Variants in COL6A5 observed in about 807,000 individuals in gnomAD.
COL6A5 encodes collagen alpha-5(VI) chain.
In COL6A5, 48 loss-of-function variants were observed where a neutral mutation model predicts 65.6. The ratio of observed to expected loss-of-function variants is 0.73; its 90% confidence interval spans 0.58 to 0.93. The LOEUF (loss-of-function observed/expected upper bound fraction) is 0.93, where lower values mean the gene tolerates loss of function less well. Ranked by LOEUF, COL6A5 falls within the 40% of genes least tolerant of loss-of-function variation. The pLI, the probability that COL6A5 is intolerant of heterozygous loss-of-function variation, is 0.00. For missense variants in COL6A5, 914 were observed against 928.3 expected (o/e 0.98, Z 0.20); for synonymous variants, 291 against 322.8 (o/e 0.90, Z 1.05).
chr3:130,360,933 G>A (rs1935084470), intron 1 of COL6A5, among the ~76,000 whole-genome samples: 1 of 151,962 alleles, frequency 6.6e-6, no homozygotes, highest in African/African-American at 2.4e-5. Context: ...AGTCTCTCGT[G>A]CCCAAACTGA....
At chr3:130,365,502 C>T (rs1345321017) in intron 1 of COL6A5, among the ~76,000 whole-genome samples, 2 of 152,190 alleles carry the variant, frequency 1.3e-5, no homozygotes, top group South Asian at 2.1e-4. Context: ...TGGTCTCGAT[C>T]TCCTGACCTC....
At chr3:130,351,208 C>T (rs1031393044) in intron 1 of COL6A5, among the ~76,000 whole-genome samples, 2 of 152,180 alleles carry the variant, frequency 1.3e-5, no homozygotes, top group Admixed American at 6.5e-5. Flanking sequence ...ACCATAAGAT[C>T]CCTAGAAGAA....
At chr3:130,402,885 G>C (rs1389190625) in intron 12 of COL6A5, among the ~76,000 whole-genome samples, 1 of 152,110 alleles carries the variant, frequency 6.6e-6, no homozygotes, top group Non-Finnish European at 1.5e-5. Context: ...AAAAAAAAGA[G>C]ATCAACAATA....
chr3:130,379,469 T>C (rs1559867631), exon 4 of COL6A5: 1 of 1,551,304 alleles, frequency 6.4e-7, no homozygotes, highest in Admixed American at 2.0e-5. Flanking sequence ...CTCGTGTTCC[T>C]GGTGGATGAG....
At chr3:130,369,010 C>T (rs1935454458) in intron 1 of COL6A5, among the ~76,000 whole-genome samples, 1 of 152,148 alleles carries the variant, frequency 6.6e-6, no homozygotes, top group Non-Finnish European at 1.5e-5. Flanking sequence ...CGGCCCTTAT[C>T]AACTGGAGAC....
chr3:130,422,836 T>G (rs1182510261), intron 28 of COL6A5, 54 bp downstream of exon 28: 1 of 1,132,728 alleles, frequency 8.8e-7, no homozygotes, highest in Non-Finnish European at 1.2e-6. Context: ...AGACTTTGGC[T>G]TTTATGTTAT....
chr3:130,401,802 A>G lies in COL6A5; in HGVS notation c.4175A>G (p.Lys1392Arg), dbSNP rs995216082. Residue 1392 changes from lysine (K) to arginine (R), a missense_variant and NMD_transcript_variant, in exon 12 of 42, where the codon AAA (lysine) becomes AGA (arginine). Lys to Arg is a conservative substitution (Grantham distance 26). Transcript: ENST00000312481. The stretch of plus-strand genomic sequence containing the variant: ...AGGACTTGCTGCTGTACATTCTGCA[A>G]ATGTCCAGGAATTCCAGGACCTCAT... 11 of 1,551,488 alleles carry G rather than the reference A, an allele frequency of 7.1e-6. No individual in the cohort carries two copies. The East Asian group carries it at 7.3e-5, about 10-fold the overall frequency.
intron 5 of COL6A5, among the ~76,000 whole-genome samples, chr3:130,465,743 A>C (rs1163324452): frequency 6.6e-6 from 1 of 152,124 alleles, no homozygotes; most frequent in Non-Finnish European, 1.5e-5. Context: ...ATAATCACTT[A>C]AAACCAAACC....
chr3:130,431,891 T>C (rs1324018684), exon 1 of COL6A5: 2 of 1,551,620 alleles, frequency 1.3e-6, no homozygotes, highest in Non-Finnish European at 1.7e-6. Context: ...TTTAGTGCCC[T>C]GGATATCAGT....
At chr3:130,439,611 C>G in exon 2 of COL6A5, 1 of 1,549,478 alleles carries the variant, frequency 6.5e-7, no homozygotes, top group Non-Finnish European at 8.7e-7. Context: ...GTGCACTTTG[C>G]TATGGTAAGA....
intron 4 of COL6A5, among the ~76,000 whole-genome samples, chr3:130,384,224 G>T (rs944810107): frequency 6.6e-6 from 1 of 151,980 alleles, no homozygotes. Flanking sequence ...AGCCTAATGT[G>T]GTTGGAACAC....
At chr3:130,435,079 C>T (rs1381976286) in intron 1 of COL6A5, among the ~76,000 whole-genome samples, 5 of 152,106 alleles carry the variant, frequency 3.3e-5, no homozygotes, top group Admixed American at 6.5e-5. Flanking sequence ...TTGGGTTTTA[C>T]GTTTAAGTCT....
At chr3:130,449,643 G>A (rs539003060) in intron 4 of COL6A5, among the ~76,000 whole-genome samples, 1 of 152,082 alleles carries the variant, frequency 6.6e-6, no homozygotes, top group Admixed American at 6.6e-5. Flanking sequence ...TTTTTTCCTC[G>A]AATGTGTATG....
intron 10 of COL6A5, among the ~76,000 whole-genome samples, chr3:130,398,580 C>T (rs932065086): frequency 6.6e-6 from 1 of 152,174 alleles, no homozygotes; most frequent in African/African-American, 2.4e-5. Context: ...TCACACTCCT[C>T]CCCAAAATGC....
intron 3 of COL6A5, among the ~76,000 whole-genome samples, chr3:130,377,104 A>T (rs989668384): frequency 6.6e-6 from 1 of 152,080 alleles, no homozygotes; most frequent in African/African-American, 2.4e-5. Context: ...TTCCTCTTGG[A>T]ATCTTTCCTT....
chr3:130,390,373 A>G (rs1278608265), intron 6 of COL6A5, among the ~76,000 whole-genome samples: 2 of 152,158 alleles, frequency 1.3e-5, no homozygotes, highest in Admixed American at 1.3e-4. Context: ...AGAAAATTAA[A>G]AATTTGAGAC....
In COL6A5 at chr3:130,376,597, C is replaced by T. The variant is rs528630596; in HGVS notation, c.428C>T (p.Ser143Leu). The T allele has an allele frequency of 2.9e-4, 468 of 1,608,560 alleles. 2 individuals are homozygous for T. The South Asian group carries it at 4.6e-3, about 16-fold the overall frequency. Residue 143 changes from serine to leucine, a missense_variant and NMD_transcript_variant, in exon 3 of 42, where the codon TCG becomes TTG. Transcript: ENST00000312481. ...CCCCCAATTTTGGTGGTCCTGGCTT[C>T]GGCTGAGTCTGAGGATGAAGTGGAA...
At chr3:130,481,719 C>T (rs1280605950) in intron 7 of COL6A5, among the ~76,000 whole-genome samples, 2 of 152,154 alleles carry the variant, frequency 1.3e-5, no homozygotes, top group African/African-American at 2.4e-5. Context: ...TGTTTCCTAA[C>T]TTTTTAATGA....
chr3:130,449,651 A>G (rs1259454548), intron 4 of COL6A5, among the ~76,000 whole-genome samples: 2 of 152,182 alleles, frequency 1.3e-5, no homozygotes, highest in Non-Finnish European at 2.9e-5. Context: ...TCGAATGTGT[A>G]TGGTGCACGT....
Sources: gnomAD v4.1 joint callset for allele counts (sites outside exome capture counted in the v4.1 genomes callset) on GRCh38, gnomAD v4.1.1 for gene constraint, MANE v1.5 for transcripts, NCBI Gene and HGNC (gene_info 2026-07-23, HGNC 2026-07-21) for gene names.